The following NUP58 variants were observed in gnomAD, a reference collection of about 807,000 sequenced individuals.
NUP58 encodes the protein nucleoporin 58.
A neutral mutation model predicts 70.1 loss-of-function variants in NUP58; 17 were observed. That is an observed-to-expected ratio of 0.24 (90% CI 0.17 to 0.36). The LOEUF (loss-of-function observed/expected upper bound fraction) is 0.36. NUP58 is among the 10% of genes least tolerant of loss of function. The pLI is 1.00. For synonymous variants in NUP58, 275 were observed against 257.6 expected, an observed-to-expected ratio of 1.07 and a Z score of -0.65; for missense variants, 644 against 701.5, an observed-to-expected ratio of 0.92 and a Z score of 0.93.
chr13:25,317,280 TGTTGA>T, intron 6 of NUP58, among the ~76,000 whole-genome samples: 1 of 152,346 alleles, frequency 6.6e-6, no homozygotes, highest in East Asian at 1.9e-4. Flanking sequence ...TTATTTGCCA[TGTTGA>T]GTTTTGTCAT....
At chr13:25,332,667 G>C in intron 13 of NUP58, 1 of 985,446 alleles carries the variant, frequency 1.0e-6, no homozygotes, top group African/African-American at 1.7e-5. Context: ...CTTGCCATAA[G>C]TAAAGGGTTG....
chr13:25,309,574 TGGAAAAAA>T (rs1173122157), intron 3 of NUP58: 15 of 318,754 alleles, frequency 4.7e-5, no homozygotes, highest in African/African-American at 1.1e-4. Context: ...CTCCAGTTAG[TGGAAAAAA>T]CACCAAACTT....
intron 10 of NUP58, among the ~76,000 whole-genome samples, chr13:25,325,792 T>G (rs898927542): frequency 6.6e-6 from 1 of 152,190 alleles, no homozygotes; most frequent in Non-Finnish European, 1.5e-5. Flanking sequence ...GGTCCTAGGC[T>G]AAAGTGATTC....
intron 2 of NUP58, 23 bp from the exon 3 acceptor site, chr13:25,309,224 T>G: frequency 6.3e-7 from 1 of 1,576,856 alleles, no homozygotes; most frequent in South Asian, 1.1e-5. Context: ...ATGATTAAAT[T>G]TTATTTCTCT....
chr13:25,342,805 T>A (rs2031991950), downstream of NUP58, among the ~76,000 whole-genome samples: 2 of 152,156 alleles, frequency 1.3e-5, no homozygotes, highest in Non-Finnish European at 2.9e-5. Flanking sequence ...TCTGATTTTT[T>A]ATCACATTTT....
At chr13:25,318,781 G>A (rs1593185490) in intron 6 of NUP58, among the ~76,000 whole-genome samples, 1 of 152,196 alleles carries the variant, frequency 6.6e-6, no homozygotes, top group Admixed American at 6.5e-5. Flanking sequence ...ATTCATGGCA[G>A]ATGGGAAGAT....
intron 12 of NUP58, among the ~76,000 whole-genome samples, chr13:25,328,044 C>G (rs2031466213): frequency 6.6e-6 from 1 of 151,820 alleles, no homozygotes. Context: ...ACTAAAATTA[C>G]AAAAATTAGC....
intron 9 of NUP58, among the ~76,000 whole-genome samples, chr13:25,323,488 T>TCTAGTAG (rs1246997069): frequency 8.5e-5 from 13 of 152,266 alleles, no homozygotes; most frequent in African/African-American, 3.1e-4. Flanking sequence ...TACTCTAATG[T>TCTAGTAG]CTAGTAGCTA....
chr13:25,301,675 C>T lies in NUP58; in HGVS notation c.-99C>T, dbSNP rs1232909700. On this transcript the variant is annotated 5_prime_UTR_variant, in exon 1 of 16. Coordinates refer to ENST00000381736, the MANE Select transcript of NUP58 (RefSeq NM_014089.4). ...CTGGAAGTTCCCGCCAGGTCCGTGC[C>T]GGGCGAGAGAGATGCTGCCCGGCCC... The T allele has an allele frequency of 3.3e-6, 2 of 598,334 alleles. No homozygotes were observed. The highest frequency in any genetic ancestry group is 5.4e-6 in the Non-Finnish European group (2 of 372,584). The allele number at this position is 598,334 out of a possible 1,614,324, so 37.1% of individuals were successfully genotyped here. A position where few individuals can be genotyped will look rare whatever the true frequency, so the allele number is the denominator to read the frequency against.
At chr13:25,322,592 T>C (rs1388590316) in intron 9 of NUP58, among the ~76,000 whole-genome samples, 3 of 152,236 alleles carry the variant, frequency 2.0e-5, no homozygotes, top group Admixed American at 6.5e-5. Flanking sequence ...TTATTAAAAT[T>C]GTATACAGTT....
intron 1 of NUP58, 106 bp downstream of exon 1, chr13:25,301,986 A>G (rs1204445155): frequency 1.4e-6 from 1 of 714,080 alleles, no homozygotes; most frequent in Non-Finnish European, 2.2e-6. Context: ...CTTCCTTCCC[A>G]GTGGGGCTGG....
At chr13:25,329,935 G>A (rs561591604) in intron 12 of NUP58, among the ~76,000 whole-genome samples, 4 of 152,114 alleles carry the variant, frequency 2.6e-5, no homozygotes, top group East Asian at 1.9e-4. Context: ...CGATCCTCCC[G>A]CCTCAGGCTC....
At chr13:25,329,682 T>C (rs926540283) in intron 12 of NUP58, among the ~76,000 whole-genome samples, 1 of 152,232 alleles carries the variant, frequency 6.6e-6, no homozygotes, top group Admixed American at 6.5e-5. Flanking sequence ...TTGTTCGTTT[T>C]GTTTTTCATT....
chr13:25,333,963 G>A lies in NUP58; in HGVS notation c.1435+2405G>A, dbSNP rs2031697608. 5 of 985,230 alleles carry A rather than the reference G, an allele frequency of 5.1e-6. No individual in the cohort carries two copies. In the South Asian group the frequency reaches 1.4e-4, roughly 28 times the overall value. 61.0% of individuals were successfully genotyped at this position (985,230 alleles called of 1,614,324 possible). ...CACAGAGCAAATAGCTTCTTAGACT[G>A]CTGCCTTCTGAAGGTGGCTTCTGTA... On this transcript the variant is annotated intron_variant, in intron 13 of 15. Coordinates refer to ENST00000381736, the MANE Select transcript of NUP58 (RefSeq NM_014089.4).
intron 9 of NUP58, among the ~76,000 whole-genome samples, chr13:25,324,446 C>T (rs1005762814): frequency 1.6e-4 from 25 of 152,052 alleles, no homozygotes; most frequent in Non-Finnish European, 2.8e-4. Flanking sequence ...TCCAGTTCTT[C>T]GGTCTTCTAG....
At chr13:25,314,896 G>T (rs2030854104) in intron 5 of NUP58, among the ~76,000 whole-genome samples, 1 of 151,970 alleles carries the variant, frequency 6.6e-6, no homozygotes, top group East Asian at 1.9e-4. Flanking sequence ...AAACGAACTT[G>T]GGAGTATGAA....
intron 5 of NUP58, among the ~76,000 whole-genome samples, chr13:25,314,062 C>G (rs1202332165): frequency 2.0e-5 from 3 of 152,060 alleles, no homozygotes; most frequent in Admixed American, 1.3e-4. Context: ...TCCTGAGTAG[C>G]TGGGATTACA....
At chr13:25,316,478 A>C (rs935203525) in intron 6 of NUP58, among the ~76,000 whole-genome samples, 1 of 152,092 alleles carries the variant, frequency 6.6e-6, no homozygotes, top group Admixed American at 6.6e-5. Context: ...CACAGGTTTT[A>C]TTATAAGGAG....
At chr13:25,304,918 C>T (rs1325972450) in intron 1 of NUP58, among the ~76,000 whole-genome samples, 1 of 152,114 alleles carries the variant, frequency 6.6e-6, no homozygotes, top group African/African-American at 2.4e-5. Context: ...TACGATCAGA[C>T]TACTACCAGC....
Sources: allele counts gnomAD v4.1 joint callset (sites outside exome capture counted in the v4.1 genomes callset), GRCh38; gene constraint gnomAD v4.1.1; transcripts MANE v1.5; gene names NCBI Gene and HGNC (gene_info 2026-07-23, HGNC 2026-07-21).